Variants in CNTNAP2 observed in about 807,000 individuals in gnomAD.
CNTNAP2 encodes the protein contactin associated protein 2.
Under a neutral mutation model 155.2 loss-of-function variants are expected in CNTNAP2, and 98 were observed. That is an observed-to-expected ratio of 0.63 (90% CI 0.54 to 0.75). The LOEUF is 0.75. CNTNAP2 is among the 30% of genes least tolerant of loss of function. The probability of loss-of-function intolerance (pLI) is 0.00; values close to 1 mark genes in which losing one functional copy is unlikely to be tolerated. For missense variants in CNTNAP2, 1,727 were observed against 1,688.1 expected, an observed-to-expected ratio of 1.02 and a Z score of -0.40; for synonymous variants, 651 against 631.2, an observed-to-expected ratio of 1.03 and a Z score of -0.47.
At chr7:148,075,834 G>A (rs1356427197) in intron 15 of CNTNAP2, among the ~76,000 whole-genome samples, 3 of 152,178 alleles carry the variant, frequency 2.0e-5, no homozygotes, top group African/African-American at 7.2e-5. Context: ...CAACCACATA[G>A]TACCGTTGTT....
chr7:148,272,096 G>A (rs1796790469), intron 21 of CNTNAP2, among the ~76,000 whole-genome samples: 1 of 152,280 alleles, frequency 6.6e-6, no homozygotes, highest in Non-Finnish European at 1.5e-5. Context: ...CCTAATCAAG[G>A]ACAAGTGTGA....
At chr7:146,964,640 T>C (rs1189800355) in intron 3 of CNTNAP2, among the ~76,000 whole-genome samples, 3 of 152,206 alleles carry the variant, frequency 2.0e-5, no homozygotes, top group Admixed American at 2.0e-4. Flanking sequence ...TAGAAATAGT[T>C]TGGGGCAAAT....
At position 147,441,857 on chromosome 7, in the gene CNTNAP2, C is replaced by CTCCT. The variant is rs1328899871; in HGVS notation, c.1671-44075_1671-44074insTTCC. On this transcript the variant is annotated intron_variant, in intron 10 of 23. Coordinates refer to ENST00000361727, the MANE Select transcript of CNTNAP2 (RefSeq NM_014141.6). The stretch of plus-strand genomic sequence containing the variant: ...TCTCTCTCTCTCTCTCTCTCCCTCC[C>CTCCT]TCCCTCCCTCCCTCCCTCCCTCCGT... Among the ~76,000 whole-genome samples, 147 of 127,504 alleles carry CTCCT rather than the reference C, an allele frequency of 1.2e-3. 1 individual carries two copies. The highest frequency in any genetic ancestry group is 3.1e-3 in the East Asian group (12 of 3,854). 83.6% of individuals were successfully genotyped at this position (127,504 alleles called of 152,430 possible).
intron 21 of CNTNAP2, among the ~76,000 whole-genome samples, chr7:148,268,048 T>C (rs548909452): frequency 6.6e-6 from 1 of 152,342 alleles, no homozygotes; most frequent in African/African-American, 2.4e-5. Context: ...AGATTAGCAC[T>C]GTGCAAAGCT....
At chr7:148,123,827 A>C (rs150771390) in intron 16 of CNTNAP2, among the ~76,000 whole-genome samples, 1 of 152,344 alleles carries the variant, frequency 6.6e-6, no homozygotes, top group African/African-American at 2.4e-5. Flanking sequence ...AGTGGTACCC[A>C]GAAACCAAAT....
intron 13 of CNTNAP2, among the ~76,000 whole-genome samples, chr7:147,901,896 A>G (rs1799875129): frequency 6.6e-6 from 1 of 152,248 alleles, no homozygotes; most frequent in South Asian, 2.1e-4. Context: ...GCCAAATGAT[A>G]AAGGAGAGTT....
intron 18 of CNTNAP2, among the ~76,000 whole-genome samples, chr7:148,181,148 C>T (rs1169073736): frequency 6.6e-6 from 1 of 152,120 alleles, no homozygotes; most frequent in Non-Finnish European, 1.5e-5. Flanking sequence ...TGGACTTGGA[C>T]GGAGCCACAC....
intron 16 of CNTNAP2, among the ~76,000 whole-genome samples, chr7:148,146,519 T>C (rs1805181604): frequency 6.6e-6 from 1 of 152,116 alleles, no homozygotes; most frequent in Non-Finnish European, 1.5e-5. Context: ...TGTTGAGAGG[T>C]GACTAATTGC....
intron 1 of CNTNAP2, among the ~76,000 whole-genome samples, chr7:146,603,498 C>A (rs1463254117): frequency 6.7e-6 from 1 of 150,124 alleles, no homozygotes; most frequent in African/African-American, 2.4e-5. Flanking sequence ...CCATACTGCC[C>A]AAGGTAATTT....
At chr7:148,205,398 C>A (rs1485006836) in intron 18 of CNTNAP2, among the ~76,000 whole-genome samples, 1 of 152,198 alleles carries the variant, frequency 6.6e-6, no homozygotes, top group Non-Finnish European at 1.5e-5. Flanking sequence ...AGCACAGAAG[C>A]AAACTGAGGC....
intron 12 of CNTNAP2, among the ~76,000 whole-genome samples, chr7:147,595,533 C>T (rs1800811954): frequency 1.3e-5 from 2 of 152,192 alleles, no homozygotes; most frequent in South Asian, 4.1e-4. Flanking sequence ...ATATTCCCTA[C>T]TGATGTACAT....
chr7:146,896,100 CAA>C (rs1795871109), intron 3 of CNTNAP2, among the ~76,000 whole-genome samples: 1 of 151,978 alleles, frequency 6.6e-6, no homozygotes, highest in African/African-American at 2.4e-5. Context: ...CAAATGCAGA[CAA>C]ATTTAAATCT....
chr7:148,153,142 G>C (rs746431382), intron 17 of CNTNAP2, among the ~76,000 whole-genome samples: 1 of 151,382 alleles, frequency 6.6e-6, no homozygotes, highest in Admixed American at 6.6e-5. Flanking sequence ...CTAGAAGCAG[G>C]ACGGAGTCAG....
At chr7:147,631,506 C>G (rs550822579) in intron 12 of CNTNAP2, among the ~76,000 whole-genome samples, 14 of 152,094 alleles carry the variant, frequency 9.2e-5, no homozygotes, top group African/African-American at 3.4e-4. Context: ...AAACCAAAAA[C>G]AAGCCTGCAT....
chr7:146,475,809 A>G (rs149511693), intron 1 of CNTNAP2, among the ~76,000 whole-genome samples: 2 of 152,272 alleles, frequency 1.3e-5, no homozygotes, highest in South Asian at 2.1e-4. Flanking sequence ...ACCCCAAAAT[A>G]TCACATATAT....
At chr7:147,948,601 ATATG>A (rs1322149626) in intron 14 of CNTNAP2, among the ~76,000 whole-genome samples, 3 of 150,106 alleles carry the variant, frequency 2.0e-5, no homozygotes, top group African/African-American at 4.9e-5. Flanking sequence ...ACACAAGCAT[ATATG>A]TATGTATATA....
At chr7:146,674,800 A>G (rs567566000) in intron 1 of CNTNAP2, among the ~76,000 whole-genome samples, 1 of 152,260 alleles carries the variant, frequency 6.6e-6, no homozygotes, top group East Asian at 1.9e-4. Context: ...TGACTAGGAA[A>G]TGTGTAGTAA....
At chr7:146,186,437 A>T (rs897350795) in intron 1 of CNTNAP2, among the ~76,000 whole-genome samples, 1 of 152,204 alleles carries the variant, frequency 6.6e-6, no homozygotes, top group Non-Finnish European at 1.5e-5. Context: ...TCAATTATAC[A>T]TGTTACTTGA....
intron 1 of CNTNAP2, among the ~76,000 whole-genome samples, chr7:146,578,171 A>G (rs1407432702): frequency 6.6e-6 from 1 of 152,108 alleles, no homozygotes; most frequent in Non-Finnish European, 1.5e-5. Flanking sequence ...TCTAAGTTAT[A>G]ATATATTTTC....
Sources: gnomAD v4.1 joint callset for allele counts (sites outside exome capture counted in the v4.1 genomes callset) on GRCh38, gnomAD v4.1.1 for gene constraint, MANE v1.5 for transcripts, NCBI Gene and HGNC (gene_info 2026-07-23, HGNC 2026-07-21) for gene names.